The following ANO10 variants were observed in gnomAD, a reference collection of about 807,000 sequenced individuals.
ANO10 encodes the protein anoctamin 10.
A neutral mutation model predicts 74.7 loss-of-function variants in ANO10; 77 were observed. That is an observed-to-expected ratio of 1.03 (90% CI 0.86 to 1.25). The LOEUF is 1.25. ANO10 is among the 50% of genes most tolerant of loss of function. The probability of loss-of-function intolerance (pLI) is 0.00; values close to 1 mark genes in which losing one functional copy is unlikely to be tolerated. For missense variants in ANO10, 721 were observed against 778.1 expected (o/e 0.93, Z 0.87); for synonymous variants, 279 against 284.9 (o/e 0.98, Z 0.21).
chr3:43,463,906 C>A (rs939855306), intron 11 of ANO10, among the ~76,000 whole-genome samples: 1 of 152,112 alleles, frequency 6.6e-6, no homozygotes, highest in Non-Finnish European at 1.5e-5. Context: ...GGGAGGGACC[C>A]GGTGGGAGGT....
At chr3:43,652,385 G>A (rs2083797694) in intron 1 of ANO10, among the ~76,000 whole-genome samples, 1 of 152,108 alleles carries the variant, frequency 6.6e-6, no homozygotes, top group South Asian at 2.1e-4. Flanking sequence ...CAACAAGAGT[G>A]ACAAGATAAT....
At chr3:43,512,833 T>C (rs1466666560) in intron 11 of ANO10, among the ~76,000 whole-genome samples, 2 of 151,902 alleles carry the variant, frequency 1.3e-5, no homozygotes, top group African/African-American at 4.8e-5. Context: ...TTCAAGACAC[T>C]GGACATCAGG....
chr3:43,541,664 C>T (rs1268105531), intron 11 of ANO10, among the ~76,000 whole-genome samples: 1 of 152,090 alleles, frequency 6.6e-6, no homozygotes, highest in South Asian at 2.1e-4. Flanking sequence ...AAACGTTTAA[C>T]AAGCAGTTAC....
At chr3:43,656,486 C>T (rs931502841) in intron 1 of ANO10, among the ~76,000 whole-genome samples, 8 of 152,090 alleles carry the variant, frequency 5.3e-5, no homozygotes, top group Non-Finnish European at 1.0e-4. Flanking sequence ...GGGTGGTACT[C>T]GTCGGGGAGG....
chr3:43,399,029 T>C (rs1048197545), intron 12 of ANO10, among the ~76,000 whole-genome samples: 1 of 152,200 alleles, frequency 6.6e-6, no homozygotes, highest in African/African-American at 2.4e-5. Context: ...GGTTTCGCCA[T>C]GTTGCCCAGG....
intron 1 of ANO10, among the ~76,000 whole-genome samples, chr3:43,632,048 C>T (rs1489665372): frequency 4.9e-5 from 7 of 143,632 alleles, no homozygotes; most frequent in African/African-American, 1.3e-4. Context: ...AGTGCAGCCT[C>T]GGTGACAGAG....
intron 1 of ANO10, among the ~76,000 whole-genome samples, chr3:43,646,873 T>C (rs1407105335): frequency 1.3e-5 from 2 of 152,198 alleles, no homozygotes; most frequent in Non-Finnish European, 2.9e-5. Context: ...AATGAGAAAT[T>C]TGTGCTGGTC....
Position 43,385,704 on chromosome 3 carries a change from A to G in ANO10, c.1915-18730T>C, listed in dbSNP as rs144342492. Among the ~76,000 whole-genome samples the G allele has an allele frequency of 3.6e-3, 539 of 149,440 alleles. 1 individual carries two copies. Among genetic ancestry groups the G allele is most frequent in the South Asian group, 5.3e-3 (24 of 4,540 alleles). On this transcript the variant is annotated intron_variant, in intron 12 of 12. Transcript: ENST00000292246. The stretch of plus-strand genomic sequence containing the variant: ...ATGTCCTCACTCATAACTGGGAGCT[A>G]AACTATGAGGAGGCAAAGGTGTAAG...
chr3:43,574,689 A>G (rs2080912115), intron 7 of ANO10, 120 bp downstream of exon 7: 1 of 815,758 alleles, frequency 1.2e-6, no homozygotes, highest in South Asian at 1.5e-5. Context: ...ATCCTTGCCT[A>G]TTTGCACAAA....
chr3:43,668,051 T>G (rs2084013367), intron 1 of ANO10, among the ~76,000 whole-genome samples: 1 of 152,202 alleles, frequency 6.6e-6, no homozygotes, highest in Non-Finnish European at 1.5e-5. Flanking sequence ...TTCCCACCAG[T>G]CGGGTAAAAC....
intron 1 of ANO10, chr3:43,691,013 G>C: frequency 6.4e-7 from 1 of 1,568,298 alleles, no homozygotes; most frequent in Non-Finnish European, 8.6e-7. Context: ...AGGAGGAGGA[G>C]GTGGACTCTG....
chr3:43,652,507 C>T (rs988565225), intron 1 of ANO10, among the ~76,000 whole-genome samples: 2 of 151,928 alleles, frequency 1.3e-5, no homozygotes, highest in African/African-American at 2.4e-5. Flanking sequence ...AAAATTAGCA[C>T]AAAATAAATC....
At chr3:43,378,710 C>G (rs2091880403) in intron 12 of ANO10, among the ~76,000 whole-genome samples, 1 of 152,092 alleles carries the variant, frequency 6.6e-6, no homozygotes, top group Non-Finnish European at 1.5e-5. Flanking sequence ...GAAGGGCTAC[C>G]CCTGGGTGAT....
chr3:43,627,637 A>G (rs115774987), intron 1 of ANO10, among the ~76,000 whole-genome samples: 141 of 152,364 alleles, frequency 9.3e-4, no homozygotes, highest in African/African-American at 3.2e-3. Flanking sequence ...ATACCAAGAT[A>G]GTGCATCTAA....
At chr3:43,477,718 G>A (rs112200818) in intron 11 of ANO10, among the ~76,000 whole-genome samples, 2 of 152,188 alleles carry the variant, frequency 1.3e-5, no homozygotes, top group East Asian at 3.9e-4. Flanking sequence ...GTCGACCTTG[G>A]GTGTGTTCAC....
chr3:43,533,254 G>C (rs1038709260), intron 11 of ANO10, among the ~76,000 whole-genome samples: 2 of 152,182 alleles, frequency 1.3e-5, no homozygotes, highest in Non-Finnish European at 2.9e-5. Flanking sequence ...AAACAGGAAG[G>C]TTAAGGCAAT....
intron 12 of ANO10, among the ~76,000 whole-genome samples, chr3:43,377,949 C>T (rs1022965030): frequency 1.3e-5 from 2 of 152,144 alleles, no homozygotes; most frequent in Admixed American, 6.5e-5. Context: ...AGAAAAGATG[C>T]CTTGGTGATC....
chr3:43,554,172 G>A (rs1028006510), intron 10 of ANO10, among the ~76,000 whole-genome samples: 69 of 148,812 alleles, frequency 4.6e-4, no homozygotes, highest in Non-Finnish European at 9.1e-4. Flanking sequence ...TTCTTTCTAT[G>A]ATGAGTGATT....
At chr3:43,495,199 CCTA>C (rs982206214) in intron 11 of ANO10, among the ~76,000 whole-genome samples, 2 of 151,278 alleles carry the variant, frequency 1.3e-5, no homozygotes, top group African/African-American at 4.9e-5. Context: ...AAGTTGGACT[CCTA>C]CTTCAAAACA....
Sources: allele counts gnomAD v4.1 joint callset (sites outside exome capture counted in the v4.1 genomes callset), GRCh38; gene constraint gnomAD v4.1.1; transcripts MANE v1.5; gene names NCBI Gene and HGNC (gene_info 2026-07-23, HGNC 2026-07-21).